Variants in FOXJ2 observed in about 807,000 individuals in gnomAD.
FOXJ2 encodes forkhead box J2, also known as forkhead box protein J2.
FOXJ2 carries 18 observed loss-of-function variants against 68.4 expected under a neutral mutation model. That is an observed-to-expected ratio of 0.26 (90% CI 0.18 to 0.39). The LOEUF is 0.39. Among genes scored for constraint, FOXJ2 ranks in the 10% least tolerant of loss-of-function variants. FOXJ2 has a pLI of 1.00. For missense variants in FOXJ2, 670 were observed against 726.5 expected, an observed-to-expected ratio of 0.92 and a Z score of 0.89; for synonymous variants, 274 against 263.2, an observed-to-expected ratio of 1.04 and a Z score of -0.40.
In FOXJ2 at chr12:8,044,958, G is replaced by T; in HGVS notation, c.817G>T (p.Gly273Cys). Reference sequence around the variant, plus strand: ...GAAGTCCTCTTCCTCCTCTCAGCACGGTGAGTCTGGAGTTGGGATGGGTGC... The same window carrying T: ...GAAGTCCTCTTCCTCCTCTCAGCACTGTGAGTCTGGAGTTGGGATGGGTGC... The part of the protein sequence containing the change: ...LEKSSSSSQH[G>C]FSSLLGDIPP... Residue 273 changes from glycine to cysteine, a missense_variant and splice_region_variant, in exon 6 of 11, where the codon GGC becomes TGC. Transcript: ENST00000162391. The T allele has an allele frequency of 6.2e-7, 1 of 1,614,128 alleles. No homozygotes were observed. Among genetic ancestry groups the T allele is most frequent in the South Asian group, 1.1e-5 (1 of 91,086 alleles).
At position 8,049,570 on chromosome 12, in the gene FOXJ2, A is replaced by G; in HGVS notation, c.1536A>G (p.Gln512=). ...GCAAACAGGAGTCAGCCATGAGCCA[A>G]GGTACTGCACCAAGCCAGTTGCCAT... is the stretch of plus-strand genomic sequence containing the variant. ...TSGKQESAMS[Q]VNSYGHPQAP... is the part of the protein sequence containing the mutation. Residue 512 remains glutamine, a splice_region_variant and synonymous_variant, in exon 9 of 11, where the codon CAA becomes CAG. Coordinates refer to ENST00000162391, the MANE Select transcript of FOXJ2 (RefSeq NM_018416.3). 1 of 1,597,564 alleles carries G rather than the reference A, an allele frequency of 6.3e-7. No individual in the cohort carries two copies. The highest frequency in any genetic ancestry group is 8.6e-7 in the Non-Finnish European group (1 of 1,168,344).
chr12:8,045,218 A>ATT (rs3074123), intron 6 of FOXJ2, among the ~76,000 whole-genome samples: 100 of 123,240 alleles, frequency 8.1e-4, no homozygotes, highest in African/African-American at 1.3e-3. Flanking sequence ...TAATTTTTGT[A>ATT]TTTTTTTTTT....
Position 8,052,926 on chromosome 12 carries a change from G to A in FOXJ2, c.*76G>A, listed in dbSNP as rs532345651. The A allele has an allele frequency of 2.0e-3, 2,229 of 1,119,930 alleles. 3 individuals are homozygous for A. The highest frequency in any genetic ancestry group is 2.7e-3 in the Non-Finnish European group (2,033 of 756,826). The allele number at this position is 1,119,930 out of a possible 1,614,324, so 69.4% of individuals were successfully genotyped here. ...AGTGGGGAAAGAGCAACCCCAGCCC[G>A]TCCCTTCCCCCCGTCTGTATATAGA... On this transcript the variant is annotated 3_prime_UTR_variant, in exon 11 of 11. Coordinates refer to ENST00000162391, the MANE Select transcript of FOXJ2 (RefSeq NM_018416.3).
intron 1 of FOXJ2, among the ~76,000 whole-genome samples, chr12:8,037,133 CAG>C (rs1946908275): frequency 6.6e-6 from 1 of 152,092 alleles, no homozygotes; most frequent in Non-Finnish European, 1.5e-5. Context: ...AACACTTCAT[CAG>C]AGAGGCACGG....
chr12:8,054,823 T>C lies in FOXJ2; in HGVS notation c.*1973T>C, dbSNP rs139428737. 8.5e-5 allele frequency: 13 copies of C among 152,272 alleles called. No individual in the cohort carries two copies. The highest frequency in any genetic ancestry group is 1.2e-4 in the Non-Finnish European group (8 of 68,060). The allele number at this position is 152,272 out of a possible 1,614,324, so 9.4% of individuals were successfully genotyped here. Reference sequence around the variant, plus strand: ...TATTCCTTCCAGTCAGGGTGTGTCCTATACAAAACTTCCCATCAGTTCTCC... The same window carrying C: ...TATTCCTTCCAGTCAGGGTGTGTCCCATACAAAACTTCCCATCAGTTCTCC... On this transcript the variant is annotated 3_prime_UTR_variant, in exon 11 of 11. Coordinates refer to ENST00000162391, the MANE Select transcript of FOXJ2 (RefSeq NM_018416.3).
rs1000445085 is a variant in FOXJ2 at position 8,050,614 on chromosome 12, C to A, written c.1630C>A (p.Arg544Ser). The change falls in exon 10 of 11, where the codon CGC (arginine) becomes AGC (serine). Residue 544 changes from arginine to serine, a missense_variant. Arg to Ser is a moderately radical substitution (Grantham distance 110). Around this residue, in one of 2 missense-constraint regions of FOXJ2, gnomAD observed 555 missense variants for 562.2 expected, o/e 0.99. Coordinates refer to ENST00000162391, the MANE Select transcript of FOXJ2 (RefSeq NM_018416.3). ...IPTQDSAGYN[R>S]PAHHMVPRPS... ...CACCCAGGACTCAGCAGGATACAAT[C>A]GCCCAGGTAAGAGCTAAGAAGCTTG... The A allele has an allele frequency of 6.2e-6, 10 of 1,613,924 alleles. No homozygotes were observed. The African/African-American group carries it at 1.1e-4, about 17-fold the overall frequency.
rs770880535 is a variant in FOXJ2 at position 8,039,946 on chromosome 12, C to T, written c.114C>T (p.Ser38=). 2 of 1,614,110 alleles carry T rather than the reference C, an allele frequency of 1.2e-6. No individual in the cohort carries two copies. Among genetic ancestry groups the T allele is most frequent in the South Asian group, 1.1e-5 (1 of 91,074 alleles). Residue 38 remains serine (S), a synonymous_variant, in exon 2 of 11, where the codon AGC becomes AGT. Transcript: ENST00000162391. The stretch of plus-strand genomic sequence containing the variant: ...CCTCCCAGGCTGGGCCTCCCGGGAG[C>T]AGCCGCAAGTGTTCACCAGGGTCAC... ...GSASQAGPPG[S]SRKCSPGSPT...
intron 3 of FOXJ2, among the ~76,000 whole-genome samples, chr12:8,043,053 TA>T (rs1565628617): frequency 6.6e-6 from 1 of 151,452 alleles, no homozygotes; most frequent in African/African-American, 2.4e-5. Flanking sequence ...CCATCTGTAC[TA>T]AAAATACAAA....
intron 6 of FOXJ2, among the ~76,000 whole-genome samples, chr12:8,045,766 TTC>T (rs1205766621): frequency 6.6e-6 from 1 of 152,184 alleles, no homozygotes; most frequent in African/African-American, 2.4e-5. Flanking sequence ...CAAGCAATTC[TTC>T]TGTCTCAGCC....
At chr12:8,044,691 G>A in intron 5 of FOXJ2, 69 bp from the exon 6 acceptor site, 1 of 1,538,490 alleles carries the variant, frequency 6.5e-7, no homozygotes, top group East Asian at 2.2e-5. Flanking sequence ...AGAGCCTGGT[G>A]ACCATTGAAG....
chr12:8,050,720 C>G (rs1198870579), intron 10 of FOXJ2, 100 bp downstream of exon 10: 1 of 1,339,968 alleles, frequency 7.5e-7, no homozygotes, highest in Non-Finnish European at 1.1e-6. Context: ...TTGCCTGCAT[C>G]TCGCTGGAGG....
Position 8,053,016 on chromosome 12 carries a change from C to A in FOXJ2, c.*166C>A, listed in dbSNP as rs1947145925. Reference sequence around the variant, plus strand: ...ACTGCAAGATGCTGCCGAAGATAACCCTCTCTTTCCTGCCTCATTCTTCTC... The same window carrying A: ...ACTGCAAGATGCTGCCGAAGATAACACTCTCTTTCCTGCCTCATTCTTCTC... On this transcript the variant is annotated 3_prime_UTR_variant, in exon 11 of 11. Coordinates refer to ENST00000162391, the MANE Select transcript of FOXJ2 (RefSeq NM_018416.3). The surrounding 1 kb of genome is among the most constrained non-coding windows in gnomAD (Gnocchi z 4.1). The A allele has an allele frequency of 2.6e-6, 1 of 379,428 alleles. No individual in the cohort carries two copies. The allele number at this position is 379,428 out of a possible 1,614,324, so 23.5% of individuals were successfully genotyped here. A position where few individuals can be genotyped will look rare whatever the true frequency, so the allele number is the denominator to read the frequency against.
intron 2 of FOXJ2, among the ~76,000 whole-genome samples, chr12:8,042,067 G>A (rs997758702): frequency 1.3e-5 from 2 of 151,972 alleles, no homozygotes; most frequent in African/African-American, 4.8e-5. Flanking sequence ...TAGTAGAGAC[G>A]GGGTTTCACC....
chr12:8,044,989 G>T, intron 6 of FOXJ2, 31 bp downstream of exon 6: 6 of 1,592,438 alleles, frequency 3.8e-6, no homozygotes, highest in Non-Finnish European at 5.1e-6. Context: ...GGTGCAGGGA[G>T]ACTTTTTTAT....
chr12:8,039,689 C>T (rs766854432), intron 1 of FOXJ2, 130 bp from the exon 2 acceptor site: 6 of 744,532 alleles, frequency 8.1e-6, no homozygotes, highest in Non-Finnish European at 1.3e-5. Flanking sequence ...TCTGGGAACA[C>T]CTGGTGGAAG....
At chr12:8,050,356 G>A (rs745944325) in intron 9 of FOXJ2, 166 bp from the exon 10 acceptor site, 1 of 1,394,714 alleles carries the variant, frequency 7.2e-7, no homozygotes, top group Non-Finnish European at 9.3e-7. Flanking sequence ...TCAGTGGTGA[G>A]GACTGACAGC....
At chr12:8,052,367 T>A (rs957396656) in intron 10 of FOXJ2, among the ~76,000 whole-genome samples, 6 of 151,936 alleles carry the variant, frequency 3.9e-5, no homozygotes, top group African/African-American at 1.5e-4. Flanking sequence ...TACAGGCACA[T>A]GTGACCACAC....
At chr12:8,045,698 C>T (rs1053475447) in intron 6 of FOXJ2, among the ~76,000 whole-genome samples, 5 of 151,182 alleles carry the variant, frequency 3.3e-5, no homozygotes, top group African/African-American at 1.2e-4. Flanking sequence ...CTCTTTGTTG[C>T]TCAGGCTAGA....
rs948313731 is a variant in FOXJ2 at position 8,048,079 on chromosome 12, C to T, written c.1015C>T (p.Pro339Ser). ...AVGGAPPLHT[P>S]STDGCTPPGG... ...AGGGGGTGCTCCTCCACTGCACACC[C>T]CAAGCACAGATGGTTGTACCCCACC... The change falls in exon 7 of 11, where the codon CCA becomes TCA. Residue 339 changes from proline to serine, a missense_variant. This residue lies in a region of FOXJ2 where 555 missense variants were observed against 562.2 expected (regional missense o/e 0.99). Coordinates refer to ENST00000162391, the MANE Select transcript of FOXJ2 (RefSeq NM_018416.3). 2.5e-6 allele frequency: 4 copies of T among 1,612,344 alleles called. No individual in the cohort carries two copies. The highest frequency in any genetic ancestry group is 1.7e-5 in the Admixed American group (1 of 59,896).
Sources: gnomAD v4.1 joint callset for allele counts (sites outside exome capture counted in the v4.1 genomes callset) on GRCh38, gnomAD v4.1.1 for gene constraint, gnomAD v4.1.1 regional missense constraint, Gnocchi (gnomAD v3.1) non-coding constraint, MANE v1.5 for transcripts, NCBI Gene and HGNC (gene_info 2026-07-23, HGNC 2026-07-21) for gene names.